The following ARHGAP6 variants were observed in gnomAD, a reference collection of about 807,000 sequenced individuals.
ARHGAP6 encodes Rho GTPase activating protein 6.
Under a neutral mutation model 55.7 loss-of-function variants are expected in ARHGAP6, and 16 were observed. The observed-to-expected ratio is 0.29, with a 90% confidence interval of 0.19 to 0.44. The LOEUF (loss-of-function observed/expected upper bound fraction) is 0.44, where lower values mean the gene tolerates loss of function less well. Ranked by LOEUF, ARHGAP6 falls within the 20% of genes least tolerant of loss-of-function variation. ARHGAP6 has a pLI of 1.00. For missense variants in ARHGAP6, 698 were observed against 808.9 expected, an observed-to-expected ratio of 0.86 and a Z score of 1.66; for synonymous variants, 382 against 360.9, an observed-to-expected ratio of 1.06 and a Z score of -0.66.
chrX:11,539,657 T>C (rs775909703), intron 1 of ARHGAP6, among the ~76,000 whole-genome samples: 2 of 111,535 alleles, frequency 1.8e-5, no homozygotes, highest in South Asian at 3.8e-4. Context: ...GCCTAAGCGA[T>C]CCAACATCAG....
chrX:11,404,214 C>G (rs1486245551), intron 1 of ARHGAP6, among the ~76,000 whole-genome samples: 1 of 111,239 alleles, frequency 9.0e-6, no homozygotes, highest in Non-Finnish European at 1.9e-5. Context: ...GCTAATCTGT[C>G]TTGTCCCCCT....
rs183198858 is a variant in ARHGAP6 at position 11,298,997 on chromosome X, C to T, written c.589-44290G>A. ...TGGTGAGTATATTTTGAAGCCACTACAATGCAAATCCTGTGAAAATGGTGC... is the reference window on the plus strand; with the variant it reads ...TGGTGAGTATATTTTGAAGCCACTATAATGCAAATCCTGTGAAAATGGTGC... On this transcript the variant is annotated intron_variant, in intron 1 of 12. Transcript: ENST00000337414. 168 of 1,200,728 alleles carry T rather than the reference C, an allele frequency of 1.4e-4. 1 individual carries two copies. In the East Asian group the frequency reaches 3.1e-3, roughly 22 times the overall value.
At chrX:11,376,129 T>C (rs940721912) in intron 1 of ARHGAP6, among the ~76,000 whole-genome samples, 8 of 111,409 alleles carry the variant, frequency 7.2e-5, no homozygotes, top group African/African-American at 2.3e-4. Flanking sequence ...CATGTGCACA[T>C]ACAAACACAG....
At chrX:11,454,110 A>ATTTTTTT (rs1187605203) in intron 1 of ARHGAP6, among the ~76,000 whole-genome samples, 286 of 76,528 alleles carry the variant, frequency 3.7e-3, no homozygotes, top group Middle Eastern at 9.1e-3. Context: ...CGCACGGCTA[A>ATTTTTTT]TTTTTTTTTT....
chrX:11,528,882 C>T (rs900662388), intron 1 of ARHGAP6, among the ~76,000 whole-genome samples: 2 of 111,734 alleles, frequency 1.8e-5, no homozygotes, highest in African/African-American at 6.5e-5. Context: ...CATGTGTAAG[C>T]TTAATGGCTT....
intron 1 of ARHGAP6, chrX:11,427,577 G>C (rs1306382116): frequency 2.2e-6 from 2 of 909,800 alleles, no homozygotes; most frequent in Non-Finnish European, 2.8e-6. Flanking sequence ...TTCTCGCCGC[G>C]GTACACCGGG....
chrX:11,566,320 A>G (rs764527909), intron 1 of ARHGAP6, among the ~76,000 whole-genome samples: 6 of 112,036 alleles, frequency 5.4e-5, no homozygotes, highest in Non-Finnish European at 1.1e-4. Context: ...TCTTTCCATT[A>G]CATGAGAATG....
chrX:11,601,287 C>T (rs1423623754), intron 1 of ARHGAP6, among the ~76,000 whole-genome samples: 1 of 111,198 alleles, frequency 9.0e-6, no homozygotes, highest in Non-Finnish European at 1.9e-5. Flanking sequence ...TAGTAGGTGG[C>T]AGGCTGGTGA....
intron 1 of ARHGAP6, among the ~76,000 whole-genome samples, chrX:11,389,503 A>T (rs2049375822): frequency 8.9e-6 from 1 of 112,553 alleles, no homozygotes; most frequent in Non-Finnish European, 1.9e-5. Context: ...CAAAAACCAG[A>T]TATCAAATTA....
intron 10 of ARHGAP6, among the ~76,000 whole-genome samples, chrX:11,151,275 T>TTC (rs2045772492): frequency 9.6e-6 from 1 of 103,971 alleles, no homozygotes. Flanking sequence ...TTTTTTTTTT[T>TTC]CCCCCTAGAG....
chrX:11,396,287 C>T (rs2049476902), intron 1 of ARHGAP6, among the ~76,000 whole-genome samples: 1 of 109,755 alleles, frequency 9.1e-6, no homozygotes, highest in African/African-American at 3.3e-5. Flanking sequence ...GGCATGATAC[C>T]ACAGAAGACA....
chrX:11,144,223 C>T lies in ARHGAP6; in HGVS notation c.1933G>A (p.Val645Ile), dbSNP rs2045658840. ...TGCCTCCCTCCCACGGAAAAGGAAA[C>T]TTCCGACTGCAGCATGTCAGGGCTT... ...SSSPDMLQSE[V>I]SFSVGGRHSS... The change falls in exon 11 of 13, where the codon GTT becomes ATT. Residue 645 changes from valine (V) to isoleucine (I), a missense_variant. Val to Ile is a conservative substitution (Grantham distance 29, BLOSUM62 3). Around this residue, in one of 3 missense-constraint regions of ARHGAP6, gnomAD observed 322 missense variants for 451.1 expected, o/e 0.71. Transcript: ENST00000337414. The T allele has an allele frequency of 5.0e-6, 6 of 1,211,674 alleles. No individual in the cohort carries two copies. Among genetic ancestry groups the T allele is most frequent in the Non-Finnish European group, 6.7e-6 (6 of 895,395 alleles).
intron 2 of ARHGAP6, among the ~76,000 whole-genome samples, chrX:11,217,089 C>T (rs2046894321): frequency 8.9e-6 from 1 of 112,156 alleles, no homozygotes; most frequent in South Asian, 3.7e-4. Context: ...TGTATATATG[C>T]CACATTTTCT....
chrX:11,443,194 T>G (rs925347507), intron 1 of ARHGAP6, among the ~76,000 whole-genome samples: 3 of 112,614 alleles, frequency 2.7e-5, no homozygotes, highest in Non-Finnish European at 5.6e-5. Flanking sequence ...TTGTCTGGTT[T>G]CTCTTGTCAA....
chrX:11,241,573 T>C (rs62590037), intron 2 of ARHGAP6, among the ~76,000 whole-genome samples: 9,187 of 97,335 alleles, frequency 0.094, 483 homozygotes, highest in African/African-American at 0.2. Flanking sequence ...TGTGTGTGTG[T>C]GCGCGTGTGT....
chrX:11,625,303 GTGTGTGTA>G (rs200198488), intron 1 of ARHGAP6, among the ~76,000 whole-genome samples: 15,266 of 110,192 alleles, frequency 0.14, 979 homozygotes, highest in Middle Eastern at 0.23. Flanking sequence ...GTGTGTGTGT[GTGTGTGTA>G]TATGTATATA....
At chrX:11,324,187 C>T (rs1371802961) in intron 1 of ARHGAP6, among the ~76,000 whole-genome samples, 1 of 112,045 alleles carries the variant, frequency 8.9e-6, no homozygotes, top group African/African-American at 3.2e-5. Flanking sequence ...GACCAAGATC[C>T]TGAAGCATTT....
intron 1 of ARHGAP6, among the ~76,000 whole-genome samples, chrX:11,385,752 A>T (rs1443659030): frequency 8.9e-6 from 1 of 112,283 alleles, no homozygotes; most frequent in Middle Eastern, 4.2e-3. Flanking sequence ...GCTAGATTTG[A>T]AAGTCTCACT....
intron 1 of ARHGAP6, among the ~76,000 whole-genome samples, chrX:11,557,496 T>A (rs1286134657): frequency 9.5e-6 from 1 of 105,375 alleles, no homozygotes; most frequent in Non-Finnish European, 2.0e-5. Flanking sequence ...AAAAAAAAAA[T>A]TATGAAGAAA....
Sources: gnomAD v4.1 joint callset for allele counts (sites outside exome capture counted in the v4.1 genomes callset) on GRCh38, gnomAD v4.1.1 for gene constraint, gnomAD v4.1.1 regional missense constraint, MANE v1.5 for transcripts, NCBI Gene and HGNC (gene_info 2026-07-23, HGNC 2026-07-21) for gene names.